Variants in GRIK3 observed in about 807,000 individuals in gnomAD.
The protein encoded by GRIK3 is glutamate ionotropic receptor kainate type subunit 3, also known as glutamate receptor ionotropic, kainate 3.
Under a neutral mutation model 102.5 loss-of-function variants are expected in GRIK3, and 29 were observed. That is an observed-to-expected ratio of 0.28 (90% confidence interval 0.21 to 0.39). GRIK3 has a LOEUF of 0.39. GRIK3 is among the 10% of genes least tolerant of loss of function. GRIK3 has a pLI of 1.00. For synonymous variants in GRIK3, 511 were observed against 504.9 expected (o/e 1.01, Z -0.16); for missense variants, 908 against 1,252.4 (o/e 0.73, Z 4.15).
intron 1 of GRIK3, among the ~76,000 whole-genome samples, chr1:37,007,624 T>C (rs1642546461): frequency 6.6e-6 from 1 of 152,188 alleles, no homozygotes; most frequent in Non-Finnish European, 1.5e-5. Context: ...GCACAAACGC[T>C]CCCGCACTAT....
chr1:36,881,978 T>C (rs757657273), intron 2 of GRIK3, among the ~76,000 whole-genome samples: 2 of 151,330 alleles, frequency 1.3e-5, no homozygotes, highest in Non-Finnish European at 2.9e-5. Context: ...TGCTCTTCCC[T>C]CATAGAGCCT....
At chr1:36,968,848 A>T (rs1642107804) in intron 1 of GRIK3, among the ~76,000 whole-genome samples, 1 of 152,072 alleles carries the variant, frequency 6.6e-6, no homozygotes, top group Non-Finnish European at 1.5e-5. Flanking sequence ...CCACCTGGGA[A>T]GCACTCTCTA....
intron 1 of GRIK3, among the ~76,000 whole-genome samples, chr1:37,007,755 C>T (rs141231200): frequency 1.1e-4 from 17 of 152,314 alleles, no homozygotes; most frequent in East Asian, 3.9e-4. Context: ...ATGGTGATCC[C>T]GCAAAAGCAG....
At chr1:36,925,425 G>A (rs1641517123) in intron 1 of GRIK3, among the ~76,000 whole-genome samples, 1 of 152,272 alleles carries the variant, frequency 6.6e-6, no homozygotes, top group Non-Finnish European at 1.5e-5. Flanking sequence ...TCCCCTGAAA[G>A]CTGCCCAGCT....
chr1:36,919,963 G>T (rs939288984), intron 1 of GRIK3, among the ~76,000 whole-genome samples: 1 of 152,202 alleles, frequency 6.6e-6, no homozygotes, highest in Non-Finnish European at 1.5e-5. Flanking sequence ...CTGCAGCTGC[G>T]GATGCTCACT....
Position 36,825,674 on chromosome 1 carries a change from C to G in GRIK3, c.1683G>C (p.Leu561=). ...NPSVFSFLNP[L]SPDIWMYVLL... ...GAACATACATCCAGATGTCTGGGGA[C>G]AGGGGATTGAGGAAGGAGAAGACGC... Residue 561 remains leucine, a synonymous_variant, in exon 11 of 16, where the codon CTG becomes CTC. Transcript: ENST00000373091. 1 of 1,613,124 alleles carries G rather than the reference C, an allele frequency of 6.2e-7. No individual in the cohort carries two copies. The highest frequency in any genetic ancestry group is 8.5e-7 in the Non-Finnish European group (1 of 1,179,564).
chr1:36,922,901 G>C (rs967650444), intron 1 of GRIK3, among the ~76,000 whole-genome samples: 10 of 152,180 alleles, frequency 6.6e-5, no homozygotes. Context: ...GCAAAGGCAG[G>C]AGATGGCCCT....
chr1:36,809,152 C>CCCATCCAT (rs56242743), intron 13 of GRIK3, among the ~76,000 whole-genome samples: 63 of 151,110 alleles, frequency 4.2e-4, no homozygotes, highest in African/African-American at 8.1e-4. Context: ...TACCCATCAA[C>CCCATCCAT]CCATCCATCC....
At chr1:36,981,420 A>G (rs1396514916) in intron 1 of GRIK3, among the ~76,000 whole-genome samples, 1 of 152,166 alleles carries the variant, frequency 6.6e-6, no homozygotes, top group Non-Finnish European at 1.5e-5. Flanking sequence ...AAGGTCAGGG[A>G]TGATGGAGGG....
At chr1:36,808,555 G>A (rs1054787530) in intron 13 of GRIK3, among the ~76,000 whole-genome samples, 14 of 152,218 alleles carry the variant, frequency 9.2e-5, no homozygotes, top group Admixed American at 4.6e-4. Flanking sequence ...AGCTATCAGT[G>A]AAAAACTGAA....
At chr1:37,018,861 T>C (rs1343213091) in intron 1 of GRIK3, among the ~76,000 whole-genome samples, 1 of 151,856 alleles carries the variant, frequency 6.6e-6, no homozygotes, top group Non-Finnish European at 1.5e-5. Context: ...AAAAAGAAAA[T>C]ATTATAAATC....
chr1:36,962,442 G>A (rs1054612674), intron 1 of GRIK3, among the ~76,000 whole-genome samples: 11 of 152,050 alleles, frequency 7.2e-5, no homozygotes, highest in Non-Finnish European at 1.0e-4. Context: ...GCCCCACGCC[G>A]CTTTTCAAGA....
intron 1 of GRIK3, among the ~76,000 whole-genome samples, chr1:36,929,480 C>T (rs762188058): frequency 3.9e-5 from 6 of 152,194 alleles, no homozygotes; most frequent in Non-Finnish European, 8.8e-5. Context: ...AACAGTAATT[C>T]CCAAACCACA....
intron 1 of GRIK3, among the ~76,000 whole-genome samples, chr1:36,942,873 G>C (rs1641743029): frequency 6.6e-6 from 1 of 152,144 alleles, no homozygotes; most frequent in Non-Finnish European, 1.5e-5. Context: ...TGGGGAAGTG[G>C]GGGACCACTC....
chr1:36,909,490 G>A (rs559516844), intron 1 of GRIK3, among the ~76,000 whole-genome samples: 3 of 152,078 alleles, frequency 2.0e-5, no homozygotes, highest in Non-Finnish European at 2.9e-5. Context: ...TGGTAGAGAC[G>A]GGGTTTCACC....
intron 1 of GRIK3, among the ~76,000 whole-genome samples, chr1:36,932,005 T>A (rs1282607169): frequency 6.6e-6 from 1 of 152,178 alleles, no homozygotes; most frequent in Non-Finnish European, 1.5e-5. Context: ...CTGCCCCCTA[T>A]CTGACCTGAA....
At chr1:36,902,797 C>CT (rs146935443) in intron 1 of GRIK3, among the ~76,000 whole-genome samples, 6,766 of 150,150 alleles carry the variant, frequency 0.045, 399 homozygotes, top group African/African-American at 0.13. Flanking sequence ...TGATGGACTA[C>CT]TTTTTTTTTT....
intron 1 of GRIK3, among the ~76,000 whole-genome samples, chr1:37,033,005 C>A (rs1476048925): frequency 6.6e-6 from 1 of 152,172 alleles, no homozygotes; most frequent in Non-Finnish European, 1.5e-5. Flanking sequence ...GCCGAGTGAA[C>A]CCAGGCGGCC....
intron 1 of GRIK3, among the ~76,000 whole-genome samples, chr1:36,934,620 A>G (rs1408981499): frequency 6.6e-6 from 1 of 152,194 alleles, no homozygotes; most frequent in Non-Finnish European, 1.5e-5. Flanking sequence ...TATTACAAAT[A>G]GTAATTAGAT....
Sources: allele counts gnomAD v4.1 joint callset (sites outside exome capture counted in the v4.1 genomes callset), GRCh38; gene constraint gnomAD v4.1.1; transcripts MANE v1.5; gene names NCBI Gene and HGNC (gene_info 2026-07-23, HGNC 2026-07-21).